The following MACROD2 variants were observed in gnomAD, a reference collection of about 807,000 sequenced individuals.
The protein encoded by MACROD2 is mono-ADP ribosylhydrolase 2.
A neutral mutation model predicts 70.4 loss-of-function variants in MACROD2; 36 were observed. The observed-to-expected ratio is 0.51, with a 90% CI of 0.39 to 0.68. The LOEUF is 0.68. Ranked by LOEUF, MACROD2 falls within the 30% of genes least tolerant of loss-of-function variation. The pLI is 0.00. For missense variants in MACROD2, 496 were observed against 538.4 expected (o/e 0.92, Z 0.78); for synonymous variants, 172 against 178.8 (o/e 0.96, Z 0.30).
chr20:14,379,265 G>T (rs952994791), intron 3 of MACROD2, among the ~76,000 whole-genome samples: 1 of 152,120 alleles, frequency 6.6e-6, no homozygotes, highest in Admixed American at 6.6e-5. Flanking sequence ...GAATCTGTGC[G>T]TTTCACCTGT....
rs771428620 is a variant in MACROD2 at position 14,966,027 on chromosome 20, C to T, written c.419-263913C>T. On this transcript the variant is annotated intron_variant, in intron 5 of 17. Transcript: ENST00000684519. ...ACAAATATTTACATTTTTCATTCCTCATTATTAAGAACTTGAGAAAACTAA... is the reference window on the plus strand; with the variant it reads ...ACAAATATTTACATTTTTCATTCCTTATTATTAAGAACTTGAGAAAACTAA... Among the ~76,000 whole-genome samples, 108 of 151,998 alleles carry T rather than the reference C, an allele frequency of 7.1e-4. 1 individual carries two copies. The highest frequency in any genetic ancestry group is 1.1e-3 in the Non-Finnish European group (75 of 67,992).
chr20:15,560,698 G>A (rs1431460265), intron 8 of MACROD2, among the ~76,000 whole-genome samples: 1 of 144,862 alleles, frequency 6.9e-6, no homozygotes, highest in Non-Finnish European at 1.5e-5. Flanking sequence ...GGAAGGCAGA[G>A]GTTGCAGCAG....
chr20:15,362,841 T>C (rs553247343), intron 6 of MACROD2, among the ~76,000 whole-genome samples: 4 of 151,256 alleles, frequency 2.6e-5, no homozygotes, highest in African/African-American at 9.7e-5. Context: ...AATTGTTGAA[T>C]ATATAGGAAA....
At chr20:14,088,443 A>T (rs2054108619) in intron 3 of MACROD2, among the ~76,000 whole-genome samples, 1 of 151,678 alleles carries the variant, frequency 6.6e-6, no homozygotes, top group Non-Finnish European at 1.5e-5. Flanking sequence ...GATCTTTTAA[A>T]TTTTTAAAAA....
intron 6 of MACROD2, among the ~76,000 whole-genome samples, chr20:15,310,950 T>G (rs1025008018): frequency 6.6e-6 from 1 of 152,098 alleles, no homozygotes; most frequent in African/African-American, 2.4e-5. Flanking sequence ...GAATGACCAA[T>G]AAATAGTGGT....
At chr20:14,215,088 CTATTCCATCATA>C (rs2081604984) in intron 3 of MACROD2, among the ~76,000 whole-genome samples, 1 of 143,906 alleles carries the variant, frequency 6.9e-6, no homozygotes, top group East Asian at 2.0e-4. Context: ...TCATATATAT[CTATTCCATCATA>C]TATATCTATT....
chr20:15,685,404 T>G (rs186061738), intron 8 of MACROD2, among the ~76,000 whole-genome samples: 2 of 152,344 alleles, frequency 1.3e-5, no homozygotes, highest in African/African-American at 4.8e-5. Flanking sequence ...CCTTCTCTGC[T>G]AAACCAGGAG....
At position 14,326,796 on chromosome 20, in the gene MACROD2, C is replaced by G; in HGVS notation, c.272-166683C>G. 6.2e-7 allele frequency: 1 copy of G among 1,613,752 alleles called. No individual in the cohort carries two copies. Among genetic ancestry groups the G allele is most frequent in the Admixed American group, 1.7e-5 (1 of 59,968 alleles). ...CTGGAAGGTTTACTGGTGCAGCAGT[C>G]AGGGAATTCCGCACCAGGGACAGCT... is the stretch of plus-strand genomic sequence containing the variant. On this transcript the variant is annotated intron_variant, in intron 3 of 17. Coordinates refer to ENST00000684519, the MANE Select transcript of MACROD2 (RefSeq NM_001351661.2). The surrounding 1 kb of genome is among the most constrained non-coding windows in gnomAD (Gnocchi z 5.5).
intron 5 of MACROD2, among the ~76,000 whole-genome samples, chr20:14,742,867 C>T (rs1464789757): frequency 2.6e-5 from 4 of 151,282 alleles, no homozygotes; most frequent in Non-Finnish European, 4.4e-5. Context: ...CCCGGGTTCA[C>T]GCCATTCTCC....
intron 5 of MACROD2, among the ~76,000 whole-genome samples, chr20:15,139,605 G>T (rs1220113379): frequency 6.6e-6 from 1 of 151,936 alleles, no homozygotes; most frequent in Non-Finnish European, 1.5e-5. Context: ...TCATTTTTTG[G>T]GTTCCAAACA....
intron 5 of MACROD2, among the ~76,000 whole-genome samples, chr20:15,035,019 T>C (rs930388013): frequency 2.0e-5 from 3 of 152,188 alleles, no homozygotes; most frequent in Non-Finnish European, 2.9e-5. Context: ...TTAGGTCTTT[T>C]GATATGCATT....
intron 8 of MACROD2, among the ~76,000 whole-genome samples, chr20:15,791,751 T>C (rs1307345979): frequency 6.6e-6 from 1 of 151,952 alleles, no homozygotes; most frequent in Non-Finnish European, 1.5e-5. Context: ...TGAAGAAAAC[T>C]TGAAGCTCTA....
intron 5 of MACROD2, among the ~76,000 whole-genome samples, chr20:14,880,721 G>A (rs945855087): frequency 6.6e-6 from 1 of 152,190 alleles, no homozygotes; most frequent in African/African-American, 2.4e-5. Flanking sequence ...AATTAAAGTT[G>A]TATAATCAGA....
In MACROD2 at chr20:15,596,407, A is replaced by G. The variant is rs542579911; in HGVS notation, c.645+96560A>G. 2.0e-5 allele frequency among the ~76,000 whole-genome samples: 3 copies of G among 152,328 alleles called. No individual in the cohort carries two copies. The South Asian group carries it at 6.2e-4, about 32-fold the overall frequency. On this transcript the variant is annotated intron_variant, in intron 8 of 17. Coordinates refer to ENST00000684519, the MANE Select transcript of MACROD2 (RefSeq NM_001351661.2). ...ACATCATTCCACATGTTAGCTGGTT[A>G]AAGTCATGGCACTTGGCAGCCTCCT...
chr20:14,182,706 T>G (rs2081314379), intron 3 of MACROD2, among the ~76,000 whole-genome samples: 1 of 152,058 alleles, frequency 6.6e-6, no homozygotes, highest in African/African-American at 2.4e-5. Context: ...TTAAAAATAC[T>G]CTTAAGTGTG....
chr20:15,964,384 G>A (rs917645027), intron 12 of MACROD2, among the ~76,000 whole-genome samples: 2 of 152,030 alleles, frequency 1.3e-5, no homozygotes. Context: ...CCTTCTAACT[G>A]TGTCCTCATT....
chr20:16,047,713 C>A (rs2067402703), intron 17 of MACROD2, among the ~76,000 whole-genome samples: 1 of 152,184 alleles, frequency 6.6e-6, no homozygotes, highest in South Asian at 2.1e-4. Flanking sequence ...CCTGCTCAGT[C>A]CAGGCCAGAT....
chr20:15,185,193 G>T (rs1436780132), intron 5 of MACROD2, among the ~76,000 whole-genome samples: 2 of 152,114 alleles, frequency 1.3e-5, no homozygotes, highest in Non-Finnish European at 2.9e-5. Context: ...TTGTCAAATT[G>T]ATGAATGAAT....
chr20:14,332,535 G>T (rs2082864323), intron 3 of MACROD2, among the ~76,000 whole-genome samples: 1 of 152,052 alleles, frequency 6.6e-6, no homozygotes, highest in Non-Finnish European at 1.5e-5. Context: ...GATTTAAATT[G>T]ATTTTGATTT....
Sources: allele counts gnomAD v4.1 joint callset (sites outside exome capture counted in the v4.1 genomes callset), GRCh38; gene constraint gnomAD v4.1.1; non-coding constraint Gnocchi (gnomAD v3.1); transcripts MANE v1.5; gene names NCBI Gene and HGNC (gene_info 2026-07-23, HGNC 2026-07-21).